The following EXOC4 variants were observed in gnomAD, a reference collection of about 807,000 sequenced individuals.
The protein encoded by EXOC4 is exocyst complex component 4.
In EXOC4, 71 loss-of-function variants were observed where a neutral mutation model predicts 107.2. That is an observed-to-expected ratio of 0.66 (90% CI 0.55 to 0.81). The LOEUF is 0.81. Among genes scored for constraint, EXOC4 ranks in the 30% least tolerant of loss-of-function variants. EXOC4 has a pLI of 0.00. For missense variants in EXOC4, 1,108 were observed against 1,189.6 expected, an observed-to-expected ratio of 0.93 and a Z score of 1.01; for synonymous variants, 456 against 441.2, an observed-to-expected ratio of 1.03 and a Z score of -0.42.
chr7:134,072,680 C>T, the EXOC4 span, among the ~76,000 whole-genome samples: 1 of 152,164 alleles, frequency 6.6e-6, no homozygotes, highest in Non-Finnish European at 1.5e-5. Context: ...GATGTGGTTA[C>T]AAGTGCTTAA....
At chr7:133,612,933 T>A (rs923967881) in intron 9 of EXOC4, among the ~76,000 whole-genome samples, 4 of 152,164 alleles carry the variant, frequency 2.6e-5, no homozygotes. Context: ...TAAATACTTT[T>A]TGGATGTGTA....
intron 9 of EXOC4, among the ~76,000 whole-genome samples, chr7:133,493,204 C>A (rs1009426172): frequency 1.3e-5 from 2 of 152,156 alleles, no homozygotes; most frequent in African/African-American, 4.8e-5. Context: ...GTGGGTGGAT[C>A]ACCTGAGGTC....
rs1796552719 is a variant in EXOC4 at position 133,785,675 on chromosome 7, T to G, written c.1515-31650T>G. Among the ~76,000 whole-genome samples, 5 of 38,166 alleles carry G rather than the reference T, an allele frequency of 1.3e-4. No homozygotes were observed. In the South Asian group the frequency reaches 6.5e-3, roughly 50 times the overall value. The allele number at this position is 38,166 out of a possible 152,430, so 25.0% of individuals were successfully genotyped here. A position where few individuals can be genotyped will look rare whatever the true frequency, so the allele number is the denominator to read the frequency against. On this transcript the variant is annotated intron_variant, in intron 10 of 17. Coordinates refer to ENST00000253861, the MANE Select transcript of EXOC4 (RefSeq NM_021807.4). ...CAGAAATGGGCACATGTTTTGTTTT[T>G]GTTTTTGTTTTTTTTGAGACGGAGT...
chr7:133,678,070 A>G (rs1011476835), intron 10 of EXOC4, among the ~76,000 whole-genome samples: 2 of 152,254 alleles, frequency 1.3e-5, no homozygotes, highest in African/African-American at 2.4e-5. Flanking sequence ...TGTAAATTAT[A>G]TCGCAGTAAA....
chr7:133,764,965 C>T (rs140203644), intron 10 of EXOC4, among the ~76,000 whole-genome samples: 24 of 152,114 alleles, frequency 1.6e-4, no homozygotes, highest in African/African-American at 5.5e-4. Flanking sequence ...ATCTCAATTA[C>T]CACATCATTA....
At chr7:133,267,278 C>T (rs1282624600) in intron 1 of EXOC4, among the ~76,000 whole-genome samples, 1 of 152,150 alleles carries the variant, frequency 6.6e-6, no homozygotes, top group African/African-American at 2.4e-5. Context: ...AGAGTAAAAG[C>T]TCACAAAGTT....
Position 133,917,711 on chromosome 7 carries a change from A to G in EXOC4, c.2000A>G (p.Lys667Arg). 1 of 1,614,108 alleles carries G rather than the reference A, an allele frequency of 6.2e-7. No homozygotes were observed. Among genetic ancestry groups the G allele is most frequent in the Non-Finnish European group, 8.5e-7 (1 of 1,179,994 alleles). Residue 667 changes from lysine to arginine, a missense_variant, in exon 13 of 18, where the codon AAA becomes AGA. Coordinates refer to ENST00000253861, the MANE Select transcript of EXOC4 (RefSeq NM_021807.4). ...NMAQPKQLRP[K>R]REEEEDFIRA... ...GCTCAACCCAAACAGCTGAGGCCAAAAAGAGAGGAGGAAGAAGATTTCATA... is the reference window on the plus strand; with the variant it reads ...GCTCAACCCAAACAGCTGAGGCCAAGAAGAGAGGAGGAAGAAGATTTCATA...
At chr7:133,773,765 A>G (rs895204824) in intron 10 of EXOC4, among the ~76,000 whole-genome samples, 3 of 151,930 alleles carry the variant, frequency 2.0e-5, no homozygotes, top group Non-Finnish European at 4.4e-5. Flanking sequence ...ACCCACTGTC[A>G]CCACCCGGGC....
intron 17 of EXOC4, among the ~76,000 whole-genome samples, chr7:134,014,561 G>A (rs368669809): frequency 1.4e-4 from 21 of 152,214 alleles, no homozygotes; most frequent in East Asian, 1.4e-3. Flanking sequence ...AAGCTATTTT[G>A]TATGACACTA....
intron 11 of EXOC4, among the ~76,000 whole-genome samples, chr7:133,826,968 T>A (rs1797718534): frequency 6.6e-6 from 1 of 152,202 alleles, no homozygotes; most frequent in South Asian, 2.1e-4. Context: ...TTCACAGAAA[T>A]GAATTCTGCG....
At chr7:133,864,766 T>G (rs1798601994) in intron 11 of EXOC4, among the ~76,000 whole-genome samples, 1 of 152,126 alleles carries the variant, frequency 6.6e-6, no homozygotes, top group Non-Finnish European at 1.5e-5. Context: ...GATTTAGCAG[T>G]CTTTAATGGT....
chr7:133,538,038 A>G (rs1483211454), intron 9 of EXOC4, among the ~76,000 whole-genome samples: 1 of 152,224 alleles, frequency 6.6e-6, no homozygotes, highest in East Asian at 1.9e-4. Flanking sequence ...ATCTGAGGCC[A>G]TAAGAGTATT....
chr7:133,663,335 A>G (rs1585063255), intron 10 of EXOC4, among the ~76,000 whole-genome samples: 1 of 151,970 alleles, frequency 6.6e-6, no homozygotes, highest in African/African-American at 2.4e-5. Flanking sequence ...TTCTTCTTTC[A>G]TGTACACTCA....
At chr7:133,261,827 C>CA (rs1338995156) in intron 1 of EXOC4, among the ~76,000 whole-genome samples, 1 of 152,152 alleles carries the variant, frequency 6.6e-6, no homozygotes, top group Non-Finnish European at 1.5e-5. Context: ...GGGGGATAGG[C>CA]ACTATTTCCA....
downstream of EXOC4, among the ~76,000 whole-genome samples, chr7:134,071,216 T>G (rs1254548135): frequency 6.6e-6 from 1 of 152,200 alleles, no homozygotes; most frequent in African/African-American, 2.4e-5. Context: ...AGGCTCGGAT[T>G]AAGGGCTTTG....
intron 10 of EXOC4, among the ~76,000 whole-genome samples, chr7:133,706,963 AAC>A (rs1794781315): frequency 6.6e-6 from 1 of 152,214 alleles, no homozygotes; most frequent in Admixed American, 6.5e-5. Context: ...AATTTGGGGA[AAC>A]ACAGACATTC....
In EXOC4 at chr7:133,858,209, A is replaced by C. The variant is rs535806465; in HGVS notation, c.1735-37390A>C. Among the ~76,000 whole-genome samples, 7 of 152,296 alleles carry C rather than the reference A, an allele frequency of 4.6e-5. No homozygotes were observed. The South Asian group carries it at 1.5e-3, about 32-fold the overall frequency. On this transcript the variant is annotated intron_variant, in intron 11 of 17. Coordinates refer to ENST00000253861, the MANE Select transcript of EXOC4 (RefSeq NM_021807.4). ...CAGCATCCAGGAAGAATGAGTTTCC[A>C]CAAACAACTGGAGGGTAAGCAAGGC...
intron 9 of EXOC4, among the ~76,000 whole-genome samples, chr7:133,486,552 A>G (rs1799273258): frequency 6.6e-6 from 1 of 152,170 alleles, no homozygotes; most frequent in Admixed American, 6.5e-5. Context: ...TGATTAGAAA[A>G]TTCTTTGTTG....
intron 7 of EXOC4, among the ~76,000 whole-genome samples, chr7:133,446,314 A>AT (rs910327995): frequency 6.6e-6 from 1 of 152,104 alleles, no homozygotes; most frequent in African/African-American, 2.4e-5. Context: ...ACTTTATTCC[A>AT]TTTTTTGGAT....
Sources: allele counts gnomAD v4.1 joint callset (sites outside exome capture counted in the v4.1 genomes callset), GRCh38; gene constraint gnomAD v4.1.1; transcripts MANE v1.5; gene names NCBI Gene and HGNC (gene_info 2026-07-23, HGNC 2026-07-21).